Variants in JAK1 observed in about 807,000 individuals in gnomAD.
JAK1 encodes the protein Janus kinase 1, also known as tyrosine-protein kinase JAK1.
A neutral mutation model predicts 136.6 loss-of-function variants in JAK1; 16 were observed. The observed-to-expected ratio is 0.12, with a 90% CI of 0.08 to 0.18. The LOEUF is 0.18. Among genes scored for constraint, JAK1 ranks in the 10% least tolerant of loss-of-function variants. JAK1 has a pLI of 1.00. For synonymous variants in JAK1, 492 were observed against 519.5 expected, an observed-to-expected ratio of 0.95 and a Z score of 0.72; for missense variants, 859 against 1,450.1, an observed-to-expected ratio of 0.59 and a Z score of 6.62.
Position 64,910,961 on chromosome 1 carries a change from G to A in JAK1, c.-77-24620C>T, listed in dbSNP as rs758731162. On this transcript the variant is annotated intron_variant, in intron 1 of 24. Coordinates refer to ENST00000342505, the MANE Select transcript of JAK1 (RefSeq NM_002227.4). ...GTGTACTTCCACAAAGCCATTTCCC[G>A]CTGGGGTTCCTCTGTCCTCTGCCTG... 9.2e-5 allele frequency among the ~76,000 whole-genome samples: 14 copies of A among 151,438 alleles called. No individual in the cohort carries two copies. The South Asian group carries it at 2.1e-3, about 23-fold the overall frequency.
chr1:64,954,719 C>G lies in JAK1; in HGVS notation c.-78+11614G>C, dbSNP rs1423035927. Among the ~76,000 whole-genome samples, 4 of 152,188 alleles carry G rather than the reference C, an allele frequency of 2.6e-5. No individual in the cohort carries two copies. The East Asian group carries it at 7.7e-4, about 29-fold the overall frequency. Reference sequence around the variant, plus strand: ...AATATAAAAGATATATACAACAGAACCATCAATTAAAAGAAGGATTTAACA... The same window carrying G: ...AATATAAAAGATATATACAACAGAAGCATCAATTAAAAGAAGGATTTAACA... On this transcript the variant is annotated intron_variant, in intron 1 of 24. Coordinates refer to ENST00000342505, the MANE Select transcript of JAK1 (RefSeq NM_002227.4).
intron 19 of JAK1, among the ~76,000 whole-genome samples, chr1:64,840,332 G>A (rs960901628): frequency 1.3e-5 from 2 of 152,186 alleles, no homozygotes; most frequent in African/African-American, 4.8e-5. Flanking sequence ...CCATGCTTCT[G>A]ACAATGCCTG....
intron 4 of JAK1, among the ~76,000 whole-genome samples, chr1:64,876,683 G>A (rs1219842911): frequency 1.3e-5 from 2 of 151,500 alleles, no homozygotes; most frequent in Non-Finnish European, 1.5e-5. Flanking sequence ...CATCAAACCT[G>A]GTACACAAAA....
At chr1:64,908,815 T>C (rs546372551) in intron 1 of JAK1, among the ~76,000 whole-genome samples, 19 of 152,058 alleles carry the variant, frequency 1.2e-4, no homozygotes, top group African/African-American at 3.9e-4. Context: ...CCTCTATGCA[T>C]AGGAGAAACT....
chr1:64,906,943 C>T (rs1645199412), intron 1 of JAK1, among the ~76,000 whole-genome samples: 1 of 150,702 alleles, frequency 6.6e-6, no homozygotes, highest in South Asian at 2.1e-4. Flanking sequence ...TATCTACCCA[C>T]TAAATGCACA....
At chr1:65,042,241 A>G (rs1162420032) in intron 2 of JAK1, among the ~76,000 whole-genome samples, 2 of 152,204 alleles carry the variant, frequency 1.3e-5, no homozygotes, top group African/African-American at 2.4e-5. Flanking sequence ...GAGGATGTGC[A>G]TGGGGTAAAT....
At chr1:65,041,112 G>A (rs1647128338) in intron 2 of JAK1, among the ~76,000 whole-genome samples, 1 of 152,186 alleles carries the variant, frequency 6.6e-6, no homozygotes, top group Non-Finnish European at 1.5e-5. Context: ...GAGCTGGACT[G>A]CTCAGAGACC....
chr1:65,053,568 C>T (rs1052186561), intron 1 of JAK1, among the ~76,000 whole-genome samples: 5 of 151,904 alleles, frequency 3.3e-5, no homozygotes, highest in Admixed American at 3.3e-4. Context: ...ACAGGATAGA[C>T]AAGCCAATGT....
At chr1:64,954,964 T>C (rs970512995) in intron 1 of JAK1, among the ~76,000 whole-genome samples, 2 of 152,238 alleles carry the variant, frequency 1.3e-5, no homozygotes, top group Admixed American at 1.3e-4. Context: ...TGCCCGAATT[T>C]ATTTATCTAA....
At chr1:64,867,807 A>G (rs193182198) in intron 6 of JAK1, among the ~76,000 whole-genome samples, 17 of 152,296 alleles carry the variant, frequency 1.1e-4, no homozygotes, top group Admixed American at 1.3e-4. Context: ...CTTGACCAAC[A>G]TGGAGAAACC....
intron 1 of JAK1, among the ~76,000 whole-genome samples, chr1:65,064,822 CAG>C (rs1324158041): frequency 9.9e-5 from 15 of 152,280 alleles, no homozygotes; most frequent in Middle Eastern, 6.8e-3. Flanking sequence ...GCAGATTCTG[CAG>C]AGAGGCCCCT....
chr1:64,953,551 A>C (rs1646129426), intron 1 of JAK1, among the ~76,000 whole-genome samples: 1 of 152,224 alleles, frequency 6.6e-6, no homozygotes, highest in Non-Finnish European at 1.5e-5. Flanking sequence ...AAAATGTCAA[A>C]AACAGCAATA....
chr1:64,876,827 A>T (rs897433996), intron 4 of JAK1, among the ~76,000 whole-genome samples: 3 of 152,228 alleles, frequency 2.0e-5, no homozygotes, highest in Non-Finnish European at 4.4e-5. Flanking sequence ...AAGAAAAAAA[A>T]GACAAATAGA....
intron 1 of JAK1, among the ~76,000 whole-genome samples, chr1:64,915,950 C>T (rs1325328306): frequency 6.6e-6 from 1 of 152,150 alleles, no homozygotes; most frequent in Non-Finnish European, 1.5e-5. Context: ...CAGTCCCTAG[C>T]CCTCCAGGTG....
chr1:64,854,138 C>A (rs1655775598), intron 11 of JAK1, among the ~76,000 whole-genome samples: 1 of 152,214 alleles, frequency 6.6e-6, no homozygotes, highest in Non-Finnish European at 1.5e-5. Context: ...CCTCCTCTTT[C>A]ACCAAGTTCA....
Position 65,067,428 on chromosome 1 carries a change from G to C in JAK1, c.-181+176C>G, listed in dbSNP as rs975404857. ...GGCCGGCTCCGACGCGCCGCGAGAC[G>C]GGGCCGGGAGCGCAGCAGCCAGCGC... is the stretch of plus-strand genomic sequence containing the variant. On this transcript the variant is annotated intron_variant, in intron 1 of 25. Coordinates refer to the JAK1 transcript ENST00000671954. Among the ~76,000 whole-genome samples, 659 of 148,412 alleles carry C rather than the reference G, an allele frequency of 4.4e-3. 4 individuals carry two copies. Among genetic ancestry groups the C allele is most frequent in the African/African-American group, 0.015 (637 of 41,148 alleles).
intron 4 of JAK1, among the ~76,000 whole-genome samples, chr1:64,873,740 A>G (rs1002891296): frequency 6.6e-6 from 1 of 152,178 alleles, no homozygotes; most frequent in South Asian, 2.1e-4. Flanking sequence ...TCAGGGAGCT[A>G]AAGTGACTTC....
intron 1 of JAK1, among the ~76,000 whole-genome samples, chr1:65,054,370 A>T (rs1422289456): frequency 6.6e-6 from 1 of 152,124 alleles, no homozygotes; most frequent in Non-Finnish European, 1.5e-5. Flanking sequence ...TTTTAATAAC[A>T]TGCCACATTT....
intron 8 of JAK1, 139 bp downstream of exon 8, chr1:64,864,648 G>T: frequency 1.5e-6 from 1 of 648,798 alleles, no homozygotes; most frequent in Non-Finnish European, 2.6e-6. Flanking sequence ...TTGGTAATAG[G>T]AACTTTTTGG....
Sources: allele counts gnomAD v4.1 joint callset (sites outside exome capture counted in the v4.1 genomes callset), GRCh38; gene constraint gnomAD v4.1.1; transcripts MANE v1.5; gene names NCBI Gene and HGNC (gene_info 2026-07-23, HGNC 2026-07-21).